PWWP3B: variants seen among roughly 807,000 people sequenced by gnomAD.
PWWP3B encodes PWWP domain-containing DNA repair factor 3B.
In PWWP3B, 5 loss-of-function variants were observed where a neutral mutation model predicts 15.7. The ratio of observed to expected loss-of-function variants is 0.32; its 90% CI spans 0.17 to 0.67. PWWP3B has a LOEUF of 0.67. Ranked by LOEUF, PWWP3B falls within the 30% of genes least tolerant of loss-of-function variation. PWWP3B has a pLI of 0.74. For missense variants in PWWP3B, 519 were observed against 493.1 expected (o/e 1.05, Z -0.50); for synonymous variants, 203 against 179.8 (o/e 1.13, Z -1.03).
intron 2 of PWWP3B, among the ~76,000 whole-genome samples, chrX:106,195,762 T>G (rs1243537342): frequency 8.9e-6 from 1 of 112,062 alleles, no homozygotes; most frequent in African/African-American, 3.2e-5. Context: ...AAAATTTGTC[T>G]GGCTGTTCTG....
intron 2 of PWWP3B, among the ~76,000 whole-genome samples, chrX:106,197,765 C>T (rs1465345229): frequency 8.9e-6 from 1 of 112,200 alleles, no homozygotes; most frequent in Non-Finnish European, 1.9e-5. Context: ...TATGTTTTGT[C>T]TTTCTTTAAA....
intron 2 of PWWP3B, among the ~76,000 whole-genome samples, chrX:106,198,810 A>G: frequency 9.0e-6 from 1 of 111,061 alleles, no homozygotes; most frequent in Non-Finnish European, 1.9e-5. Flanking sequence ...ATCCAAAATA[A>G]AGCAAAAAAA....
intron 2 of PWWP3B, among the ~76,000 whole-genome samples, chrX:106,189,740 C>T (rs1922780090): frequency 9.2e-6 from 1 of 108,163 alleles, no homozygotes; most frequent in Admixed American, 9.9e-5. Context: ...GCCTCAGCCT[C>T]CCGAGTAGCT....
intron 2 of PWWP3B, among the ~76,000 whole-genome samples, chrX:106,172,703 T>C (rs1268959595): frequency 8.9e-6 from 1 of 111,785 alleles, no homozygotes; most frequent in South Asian, 3.8e-4. Flanking sequence ...GCATTTTTTT[T>C]TTCTAAGTAG....
Position 106,205,957 on chromosome X carries a change from C to T in PWWP3B, c.525C>T (p.Val175=), listed in dbSNP as rs373865657. The change falls in exon 4 of 4, where the codon GTC becomes GTT. Residue 175 remains valine, a synonymous_variant. Transcript: ENST00000357175. Reference sequence around the variant, plus strand: ...ATAAATCACAAGCACCCACAATGGTCGATACTATTCCAAGTGAAGTGGAAA... The same window carrying T: ...ATAAATCACAAGCACCCACAATGGTTGATACTATTCCAAGTGAAGTGGAAA... ...YDDKSQAPTM[V]DTIPSEVETK... 9 of 1,208,628 alleles carry T rather than the reference C, an allele frequency of 7.4e-6. No individual in the cohort carries two copies. The highest frequency in any genetic ancestry group is 7.1e-5 in the South Asian group (4 of 56,455).
At chrX:106,181,630 C>T (rs982337430) in intron 2 of PWWP3B, among the ~76,000 whole-genome samples, 1 of 111,946 alleles carries the variant, frequency 8.9e-6, no homozygotes, top group Admixed American at 9.5e-5. Flanking sequence ...CTAAACAGGA[C>T]ACCCGAACTG....
At chrX:106,186,134 G>A (rs767723242) in intron 2 of PWWP3B, among the ~76,000 whole-genome samples, 6 of 111,471 alleles carry the variant, frequency 5.4e-5, no homozygotes, top group East Asian at 5.7e-4. Context: ...TCTGACAGGC[G>A]TTAGGACCCA....
rs1407728930 is a variant in PWWP3B at position 106,188,251 on chromosome X, C to A, written c.-400-15734C>A. 2.7e-5 allele frequency among the ~76,000 whole-genome samples: 3 copies of A among 111,627 alleles called. No homozygotes were observed. In the East Asian group the frequency reaches 8.4e-4, roughly 31 times the overall value. ...AAGTCACGTGTTGTAGGTGCCCCCC[C>A]CATGTTTTAAAGCAATTCAGAAGTA... On this transcript the variant is annotated intron_variant, in intron 2 of 3. Coordinates refer to ENST00000357175, the MANE Select transcript of PWWP3B (RefSeq NM_001171020.2).
intron 2 of PWWP3B, among the ~76,000 whole-genome samples, chrX:106,180,877 T>C (rs1055216715): frequency 8.9e-6 from 1 of 112,334 alleles, no homozygotes; most frequent in African/African-American, 3.2e-5. Context: ...TAATATATTT[T>C]GATATCTGGT....
intron 2 of PWWP3B, among the ~76,000 whole-genome samples, chrX:106,186,629 C>T (rs1922527635): frequency 9.0e-6 from 1 of 110,818 alleles, no homozygotes; most frequent in Non-Finnish European, 1.9e-5. Flanking sequence ...AATGAAGCCA[C>T]GGGCCTTCAT....
intron 2 of PWWP3B, among the ~76,000 whole-genome samples, chrX:106,198,486 T>G (rs1395265206): frequency 9.0e-6 from 1 of 111,553 alleles, no homozygotes; most frequent in Non-Finnish European, 1.9e-5. Context: ...GTTATGGCCC[T>G]CTCTTCCAGG....
intron 2 of PWWP3B, among the ~76,000 whole-genome samples, chrX:106,189,252 T>C (rs1276361299): frequency 1.8e-5 from 2 of 111,690 alleles, no homozygotes; most frequent in Non-Finnish European, 3.8e-5. Context: ...TATTATACTT[T>C]TAAGGTTAGA....
chrX:106,201,637 A>T (rs1473248585), intron 2 of PWWP3B: 3 of 111,812 alleles, frequency 2.7e-5, no homozygotes, highest in Non-Finnish European at 5.6e-5. Flanking sequence ...CCCCTGATCC[A>T]GGCAGGGGCT....
chrX:106,201,105 T>G (rs1002505836), intron 2 of PWWP3B, among the ~76,000 whole-genome samples: 1 of 110,990 alleles, frequency 9.0e-6, no homozygotes, highest in Non-Finnish European at 1.9e-5. Context: ...AATTGTTAAT[T>G]ATCGATGAGG....
chrX:106,207,017 A>C lies in PWWP3B; in HGVS notation c.1585A>C (p.Thr529Pro), dbSNP rs1424884278. 1 of 1,207,962 alleles carries C rather than the reference A, an allele frequency of 8.3e-7. No individual in the cohort carries two copies. The highest frequency in any genetic ancestry group is 1.1e-6 in the Non-Finnish European group (1 of 894,119). The change falls in exon 4 of 4, where the codon ACT becomes CCT. Residue 529 changes from threonine to proline, a missense_variant. Physicochemically the swap from Thr to Pro is conservative, Grantham distance 38. Coordinates refer to ENST00000357175, the MANE Select transcript of PWWP3B (RefSeq NM_001171020.2). ...AGATGCCAGGGAACCGATGGCTGTA[A>C]CTTCCCAGACCAAGAAAATGTCCTT... ...NEDAREPMAV[T>P]SQTKKMSFQK...
Position 106,180,124 on chromosome X carries a change from C to A in PWWP3B, c.-401+8985C>A, listed in dbSNP as rs1251409481. Among the ~76,000 whole-genome samples the A allele has an allele frequency of 9.7e-4, 108 of 111,308 alleles. No individual in the cohort carries two copies. In the Admixed American group the frequency reaches 0.01, roughly 11 times the overall value. The stretch of plus-strand genomic sequence containing the variant: ...GTCTGGCTGCCTTGGGTATACAGGG[C>A]AGCACCGTTAGCTTAGAAGAGTCTA... On this transcript the variant is annotated intron_variant, in intron 2 of 3. Transcript: ENST00000357175.
chrX:106,190,908 C>T (rs991980548), intron 2 of PWWP3B, among the ~76,000 whole-genome samples: 3 of 111,294 alleles, frequency 2.7e-5, no homozygotes, highest in Non-Finnish European at 5.7e-5. Flanking sequence ...GTCTATATCT[C>T]TGTTTTGGTA....
intron 2 of PWWP3B, among the ~76,000 whole-genome samples, chrX:106,181,723 C>G (rs2147596319): frequency 9.0e-6 from 1 of 111,488 alleles, no homozygotes; most frequent in South Asian, 3.8e-4. Context: ...GTAGTGTCCT[C>G]CAGAGGGGAA....
At chrX:106,186,342 C>T (rs1356888550) in intron 2 of PWWP3B, among the ~76,000 whole-genome samples, 1 of 111,259 alleles carries the variant, frequency 9.0e-6, no homozygotes, top group Non-Finnish European at 1.9e-5. Context: ...CAAACCAACA[C>T]TCCCAACTCC....
Sources: gnomAD v4.1 joint callset for allele counts (sites outside exome capture counted in the v4.1 genomes callset) on GRCh38, gnomAD v4.1.1 for gene constraint, MANE v1.5 for transcripts, NCBI Gene and HGNC (gene_info 2026-07-23, HGNC 2026-07-21) for gene names.